Variants in SNRK observed in about 807,000 individuals in gnomAD.
SNRK encodes the protein SNF-related serine/threonine-protein kinase.
Under a neutral mutation model 48.2 loss-of-function variants are expected in SNRK, and 3 were observed. The ratio of observed to expected loss-of-function variants is 0.06; its 90% CI spans 0.03 to 0.16. The LOEUF (loss-of-function observed/expected upper bound fraction) is 0.16. SNRK is among the 10% of genes least tolerant of loss of function. The pLI, the probability that SNRK is intolerant of heterozygous loss-of-function variation, is 1.00. For missense variants in SNRK, 627 were observed against 976.0 expected (o/e 0.64, Z 4.76); for synonymous variants, 376 against 366.1 (o/e 1.03, Z -0.31).
At chr3:43,322,395 A>G (rs2091060219) in intron 3 of SNRK, among the ~76,000 whole-genome samples, 1 of 152,248 alleles carries the variant, frequency 6.6e-6, no homozygotes, top group Non-Finnish European at 1.5e-5. Context: ...AGTAGCTTTG[A>G]TTACAGTTCG....
chr3:43,334,559 A>G (rs2091172035), intron 4 of SNRK, among the ~76,000 whole-genome samples: 1 of 151,462 alleles, frequency 6.6e-6, no homozygotes, highest in Non-Finnish European at 1.5e-5. Context: ...TCTGCTTTAT[A>G]TAATTTTTCA....
intron 1 of SNRK, among the ~76,000 whole-genome samples, chr3:43,287,940 G>T (rs2090779201): frequency 6.6e-6 from 1 of 152,154 alleles, no homozygotes; most frequent in African/African-American, 2.4e-5. Context: ...CTTGGAATTG[G>T]ATTCTTGAAG....
At chr3:43,342,044 G>T (rs2091241921) in intron 5 of SNRK, among the ~76,000 whole-genome samples, 1 of 152,196 alleles carries the variant, frequency 6.6e-6, no homozygotes, top group African/African-American at 2.4e-5. Context: ...TGTAGAAAAT[G>T]ATTTTTCACT....
At position 43,303,086 on chromosome 3, in the gene SNRK, C is replaced by T. The variant is rs1345889059; in HGVS notation, c.-106-12C>T. 1 of 606,454 alleles carries T rather than the reference C, an allele frequency of 1.6e-6. No individual in the cohort carries two copies. Among genetic ancestry groups the T allele is most frequent in the East Asian group, 3.1e-5 (1 of 32,368 alleles). The allele number at this position is 606,454 out of a possible 1,614,324, so 37.6% of individuals were successfully genotyped here. ...GCAGAAACTTAATTTTGTTTCTCTT[C>T]TTATTTTGTAGATATCCATGACGAC... On this transcript the variant is annotated splice_polypyrimidine_tract_variant and intron_variant, in intron 2 of 6. Transcript: ENST00000296088. This position sits in a 1 kb window ranked among gnomAD's most constrained non-coding sequence, Gnocchi z 6.2.
chr3:43,301,150 CAA>C (rs1018805490), intron 2 of SNRK, among the ~76,000 whole-genome samples: 2 of 152,076 alleles, frequency 1.3e-5, no homozygotes, highest in Non-Finnish European at 2.9e-5. Context: ...TACTAAAGTG[CAA>C]AAAATATATT....
chr3:43,311,144 A>C (rs1427309317), intron 3 of SNRK, among the ~76,000 whole-genome samples: 1 of 152,176 alleles, frequency 6.6e-6, no homozygotes, highest in Non-Finnish European at 1.5e-5. Flanking sequence ...CCTAATGTCC[A>C]CAATAGAGAG....
At chr3:43,329,589 C>T (rs981838290) in intron 3 of SNRK, among the ~76,000 whole-genome samples, 4 of 152,214 alleles carry the variant, frequency 2.6e-5, no homozygotes, top group African/African-American at 9.7e-5. Flanking sequence ...TGTCATTTAG[C>T]TTAGCCAACT....
intron 1 of SNRK, among the ~76,000 whole-genome samples, chr3:43,287,050 G>A (rs1203754992): frequency 6.6e-6 from 1 of 150,578 alleles, no homozygotes; most frequent in Non-Finnish European, 1.5e-5. Context: ...GGCCGAGTGC[G>A]GCGCCCGCGG....
chr3:43,341,823 AAGG>A (rs1305464266), intron 5 of SNRK, among the ~76,000 whole-genome samples: 1 of 152,210 alleles, frequency 6.6e-6, no homozygotes, highest in Non-Finnish European at 1.5e-5. Context: ...TGTCTGTATA[AAGG>A]ACACTTTAGA....
intron 3 of SNRK, among the ~76,000 whole-genome samples, chr3:43,322,572 T>C (rs1350465524): frequency 6.6e-6 from 1 of 152,194 alleles, no homozygotes; most frequent in Non-Finnish European, 1.5e-5. Flanking sequence ...AAAGAAGTTA[T>C]GTAACTAGCC....
Position 43,293,880 on chromosome 3 carries a change from C to T in SNRK, c.-168-5874C>T, listed in dbSNP as rs189921439. On this transcript the variant is annotated intron_variant, in intron 1 of 6. Transcript: ENST00000296088. ...GTTGCATTGAGCCAAGATTGTGCCA[C>T]TGCAATCCAGCCTGTGTGACAGAGT... is the stretch of plus-strand genomic sequence containing the variant. 2.9e-3 allele frequency among the ~76,000 whole-genome samples: 441 copies of T among 151,928 alleles called. 1 individual carries two copies. Among genetic ancestry groups the T allele is most frequent in the African/African-American group, 0.01 (425 of 41,432 alleles).
rs370928619 is a variant in SNRK at position 43,303,737 on chromosome 3, T to C, written c.534T>C (p.Leu178=). ...AGCTCACTACAAGCTGTGGATCTCT[T>C]GCATATTCCGCTCCAGAAATTCTGC... ...GKKLTTSCGS[L]AYSAPEILLG... The change falls in exon 3 of 7, where the codon CTT becomes CTC. Residue 178 remains leucine (L), a synonymous_variant. Coordinates refer to ENST00000296088, the MANE Select transcript of SNRK (RefSeq NM_017719.5). This position sits in a 1 kb window ranked among gnomAD's most constrained non-coding sequence, Gnocchi z 6.2. The C allele has an allele frequency of 3.7e-5, 60 of 1,613,788 alleles. No individual in the cohort carries two copies. The highest frequency in any genetic ancestry group is 4.7e-5 in the Non-Finnish European group (56 of 1,180,002).
At chr3:43,302,995 T>C in intron 2 of SNRK, 103 bp from the exon 3 acceptor site, 4 of 448,602 alleles carry the variant, frequency 8.9e-6, no homozygotes, top group Non-Finnish European at 1.6e-5. Flanking sequence ...ATTTATTTTC[T>C]TCAAGTTTCT....
chr3:43,288,533 T>C (rs1462324717), intron 1 of SNRK, among the ~76,000 whole-genome samples: 1 of 152,234 alleles, frequency 6.6e-6, no homozygotes, highest in Admixed American at 6.5e-5. Context: ...CAGGAAATAC[T>C]GTTCATCTGA....
intron 5 of SNRK, among the ~76,000 whole-genome samples, chr3:43,341,559 A>C (rs116547940): frequency 0.031 from 4,692 of 152,336 alleles, 165 homozygotes; most frequent in African/African-American, 0.089. Context: ...CTGACTGTAA[A>C]AACAAGGAAT....
chr3:43,348,712 T>C lies in SNRK; in HGVS notation c.*155T>C, dbSNP rs2091299651. 1 of 738,282 alleles carries C rather than the reference T, an allele frequency of 1.4e-6. No homozygotes were observed. The highest frequency in any genetic ancestry group is 2.0e-6 in the Non-Finnish European group (1 of 506,516). 45.7% of individuals were successfully genotyped at this position (738,282 alleles called of 1,614,324 possible). Reference sequence around the variant, plus strand: ...GTTCGCCTGATGATGTGACAATGCATGGTCTTTGTGCATGCTGCTAGACAC... The same window carrying C: ...GTTCGCCTGATGATGTGACAATGCACGGTCTTTGTGCATGCTGCTAGACAC... On this transcript the variant is annotated 3_prime_UTR_variant, in exon 7 of 7. Coordinates refer to ENST00000296088, the MANE Select transcript of SNRK (RefSeq NM_017719.5).
At chr3:43,305,287 T>C (rs1018565240) in intron 3 of SNRK, among the ~76,000 whole-genome samples, 10 of 152,242 alleles carry the variant, frequency 6.6e-5, no homozygotes, top group African/African-American at 1.7e-4. Flanking sequence ...CTCTCACTTA[T>C]GCATACAAGA....
chr3:43,307,382 C>A (rs548772813), intron 3 of SNRK, among the ~76,000 whole-genome samples: 1 of 151,762 alleles, frequency 6.6e-6, no homozygotes, highest in South Asian at 2.1e-4. Flanking sequence ...CATCTCAGAT[C>A]TTGCGGTTTT....
At position 43,349,591 on chromosome 3, in the gene SNRK, T is replaced by A. The variant is rs569507722; in HGVS notation, c.*1034T>A. On this transcript the variant is annotated 3_prime_UTR_variant, in exon 7 of 7. Coordinates refer to ENST00000296088, the MANE Select transcript of SNRK (RefSeq NM_017719.5). ...GCTTTGAAATTGGCTGATGAAAAAA[T>A]ATACATAAAAGGGTAAAATTCACAC... 1.3e-5 allele frequency: 2 copies of A among 152,328 alleles called. No homozygotes were observed. The highest frequency in any genetic ancestry group is 2.1e-4 in the South Asian group (1 of 4,828). The allele number at this position is 152,328 out of a possible 1,614,324, so 9.4% of individuals were successfully genotyped here.
Sources: allele counts gnomAD v4.1 joint callset (sites outside exome capture counted in the v4.1 genomes callset), GRCh38; gene constraint gnomAD v4.1.1; non-coding constraint Gnocchi (gnomAD v3.1); transcripts MANE v1.5; gene names NCBI Gene and HGNC (gene_info 2026-07-23, HGNC 2026-07-21).